SAMMSON: variants seen among roughly 807,000 people sequenced by gnomAD.
The protein encoded by SAMMSON is long intergenic non-protein coding RNA 1212.
At chr3:70,257,735 TGCC>T (rs1404354921) in intron 6 of SAMMSON, among the ~76,000 whole-genome samples, 3 of 152,190 alleles carry the variant, frequency 2.0e-5, no homozygotes, top group Non-Finnish European at 4.4e-5. Flanking sequence ...GACAATCCTC[TGCC>T]AAATGACTTA....
intron 4 of SAMMSON, among the ~76,000 whole-genome samples, chr3:70,179,514 A>G (rs983014426): frequency 6.6e-6 from 1 of 152,204 alleles, no homozygotes; most frequent in African/African-American, 2.4e-5. Context: ...GACCAGTCCA[A>G]GCAATGCACA....
chr3:70,307,725 C>A (rs1301820078), intron 7 of SAMMSON, among the ~76,000 whole-genome samples: 1 of 152,122 alleles, frequency 6.6e-6, no homozygotes, highest in Non-Finnish European at 1.5e-5. Context: ...TATTTACAGG[C>A]TCATATCACA....
intron 9 of SAMMSON, among the ~76,000 whole-genome samples, chr3:70,369,427 T>C (rs916347273): frequency 2.0e-5 from 3 of 151,782 alleles, no homozygotes; most frequent in Admixed American, 6.6e-5. Context: ...TTGTTATTAA[T>C]GATAATTCTT....
intron 4 of SAMMSON, among the ~76,000 whole-genome samples, chr3:70,145,498 A>G (rs1273874729): frequency 1.3e-5 from 2 of 152,154 alleles, no homozygotes; most frequent in South Asian, 2.1e-4. Flanking sequence ...ATCATTAAAA[A>G]TGCTCTCTGA....
intron 3 of SAMMSON, among the ~76,000 whole-genome samples, chr3:70,067,590 A>G (rs949486434): frequency 6.6e-6 from 1 of 152,120 alleles, no homozygotes; most frequent in Non-Finnish European, 1.5e-5. Context: ...GTAAAAGAAG[A>G]TAAACTTTCA....
At chr3:70,424,801 T>C (rs1442415736) in intron 2 of SAMMSON, 1 of 152,182 alleles carries the variant, frequency 6.6e-6, no homozygotes, top group Non-Finnish European at 1.5e-5. Flanking sequence ...CGTTGTAGGA[T>C]GTTCAGCAGA....
At chr3:70,128,730 C>T (rs573313473) in intron 4 of SAMMSON, among the ~76,000 whole-genome samples, 6 of 152,110 alleles carry the variant, frequency 3.9e-5, no homozygotes, top group Non-Finnish European at 7.4e-5. Context: ...GTGACATGAA[C>T]CTGAGAGGTC....
chr3:70,343,159 C>T (rs1482349684), intron 7 of SAMMSON, among the ~76,000 whole-genome samples: 2 of 152,176 alleles, frequency 1.3e-5, no homozygotes, highest in South Asian at 2.1e-4. Flanking sequence ...ATCTCACACT[C>T]GATTTTCCCT....
intron 3 of SAMMSON, among the ~76,000 whole-genome samples, chr3:70,046,046 A>G (rs1187489058): frequency 6.6e-6 from 1 of 152,144 alleles, no homozygotes; most frequent in Non-Finnish European, 1.5e-5. Context: ...TTAGGAAAAT[A>G]TTATGAAAGG....
intron 4 of SAMMSON, among the ~76,000 whole-genome samples, chr3:70,156,531 A>G (rs925767598): frequency 1.3e-5 from 2 of 152,088 alleles, no homozygotes; most frequent in South Asian, 2.1e-4. Context: ...CAAAGAATAA[A>G]TGAGAAAAGT....
At chr3:70,033,827 T>C (rs562393806) in intron 3 of SAMMSON, among the ~76,000 whole-genome samples, 7 of 152,268 alleles carry the variant, frequency 4.6e-5, no homozygotes, top group African/African-American at 1.7e-4. Context: ...TCTAGCTTTT[T>C]AGCTTGGGAG....
At chr3:70,043,015 A>T (rs188909775) in intron 3 of SAMMSON, among the ~76,000 whole-genome samples, 1 of 152,094 alleles carries the variant, frequency 6.6e-6, no homozygotes, top group African/African-American at 2.4e-5. Flanking sequence ...AAATATTCTA[A>T]TGGTGTTTTA....
At chr3:70,337,541 T>C (rs1702674848) in intron 7 of SAMMSON, among the ~76,000 whole-genome samples, 1 of 152,008 alleles carries the variant, frequency 6.6e-6, no homozygotes, top group South Asian at 2.1e-4. Flanking sequence ...GGATTCATTA[T>C]AATTTCTTGC....
chr3:70,282,383 AC>A (rs1300698934), intron 6 of SAMMSON, among the ~76,000 whole-genome samples: 1 of 152,108 alleles, frequency 6.6e-6, no homozygotes, highest in Non-Finnish European at 1.5e-5. Context: ...TACCACTTAA[AC>A]TTTGTAAATC....
At chr3:70,226,329 C>A (rs770568891) in intron 4 of SAMMSON, among the ~76,000 whole-genome samples, 1 of 152,116 alleles carries the variant, frequency 6.6e-6, no homozygotes, top group Admixed American at 6.6e-5. Context: ...TGTGATGAGA[C>A]GTATAACAGA....
chr3:70,306,922 A>G (rs1373613513), intron 7 of SAMMSON, among the ~76,000 whole-genome samples: 3 of 152,154 alleles, frequency 2.0e-5, no homozygotes, highest in African/African-American at 2.4e-5. Context: ...ATGTACATAT[A>G]TACACATTGA....
intron 3 of SAMMSON, among the ~76,000 whole-genome samples, chr3:70,037,333 G>C (rs2067089555): frequency 6.6e-6 from 1 of 152,044 alleles, no homozygotes; most frequent in Non-Finnish European, 1.5e-5. Context: ...TCCTTCTCTA[G>C]AATGAAATAT....
intron 1 of SAMMSON, among the ~76,000 whole-genome samples, chr3:70,011,541 G>A (rs1005694768): frequency 6.6e-6 from 1 of 151,352 alleles, no homozygotes; most frequent in Non-Finnish European, 1.5e-5. Context: ...CTTTCATTTA[G>A]TTGAAGATTT....
intron 3 of SAMMSON, among the ~76,000 whole-genome samples, chr3:70,019,256 C>G (rs1275558518): frequency 6.6e-6 from 1 of 152,160 alleles, no homozygotes; most frequent in African/African-American, 2.4e-5. Flanking sequence ...CTTTATGAAT[C>G]TGGGTGCTCC....
Sources: gnomAD v4.1 joint callset for allele counts (sites outside exome capture counted in the v4.1 genomes callset) on GRCh38, gnomAD v4.1.1 for gene constraint, MANE v1.5 for transcripts, NCBI Gene and HGNC (gene_info 2026-07-23, HGNC 2026-07-21) for gene names.